Variants in LOC400499 observed in about 807,000 individuals in gnomAD.
the LOC400499 span, among the ~76,000 whole-genome samples, chr16:11,450,124 T>A: frequency 6.6e-6 from 1 of 152,160 alleles, no homozygotes. Flanking sequence ...CTTCCCCACA[T>A]CCACGCATCA....
At chr16:11,442,411 G>A in the LOC400499 span, 1 of 151,990 alleles carries the variant, frequency 6.6e-6, no homozygotes, top group Non-Finnish European at 1.5e-5. Flanking sequence ...TAGTAGAGAT[G>A]GGGGTTTCAC....
At chr16:11,483,091 G>A in the LOC400499 span, among the ~76,000 whole-genome samples, 27 of 152,140 alleles carry the variant, frequency 1.8e-4, no homozygotes, top group Non-Finnish European at 3.1e-4. Flanking sequence ...TTAGGGAAAT[G>A]CAAATTAAAG....
At chr16:11,466,511 C>A in the LOC400499 span, among the ~76,000 whole-genome samples, 1 of 152,120 alleles carries the variant, frequency 6.6e-6, no homozygotes, top group African/African-American at 2.4e-5. Flanking sequence ...GCCTCAGCCT[C>A]CCAAGTAGCT....
At chr16:11,497,126 G>A in the LOC400499 span, among the ~76,000 whole-genome samples, 3 of 152,180 alleles carry the variant, frequency 2.0e-5, no homozygotes, top group African/African-American at 7.2e-5. Context: ...CAGTGTACGT[G>A]CAGGTCTGTG....
the LOC400499 span, chr16:11,383,801 G>C: frequency 9.7e-6 from 12 of 1,232,232 alleles, no homozygotes; most frequent in Non-Finnish European, 1.2e-5. Context: ...CAGGGACACC[G>C]AGTCACTGTC....
the LOC400499 span, among the ~76,000 whole-genome samples, chr16:11,480,983 C>G: frequency 6.6e-6 from 1 of 152,182 alleles, no homozygotes; most frequent in Non-Finnish European, 1.5e-5. Flanking sequence ...GATAAACACA[C>G]GTGGTACATC....
the LOC400499 span, chr16:11,396,776 A>T: frequency 1.0e-6 from 1 of 960,530 alleles, no homozygotes; most frequent in Non-Finnish European, 1.3e-6. Context: ...GCCACCTCCC[A>T]GCCTCCACAC....
the LOC400499 span, chr16:11,508,762 G>A: frequency 2.5e-5 from 10 of 399,014 alleles, no homozygotes; most frequent in Non-Finnish European, 4.4e-5. Context: ...TACTAATGTG[G>A]CTGCGGTGGC....
chr16:11,387,769 G>A, the LOC400499 span, among the ~76,000 whole-genome samples: 12,197 of 151,966 alleles, frequency 0.08, 641 homozygotes, highest in Non-Finnish European at 0.12. Flanking sequence ...GACTACCAGC[G>A]CCCACCGCAA....
At chr16:11,499,661 C>G in the LOC400499 span, among the ~76,000 whole-genome samples, 2 of 152,228 alleles carry the variant, frequency 1.3e-5, no homozygotes, top group African/African-American at 4.8e-5. Context: ...TCCAGGGGCT[C>G]TCAGATCCTG....
At chr16:11,390,233 T>TC in the LOC400499 span, 1 of 1,232,520 alleles carries the variant, frequency 8.1e-7, no homozygotes, top group Non-Finnish European at 1.0e-6. Flanking sequence ...GAGAGCTGGC[T>TC]CAGTCATCCT....
At chr16:11,494,761 C>A in the LOC400499 span, 2 of 399,238 alleles carry the variant, frequency 5.0e-6, no homozygotes, top group Non-Finnish European at 8.8e-6. Flanking sequence ...GGAGCAGTGG[C>A]TGGGGACAGA....
At chr16:11,508,470 G>C in the LOC400499 span, among the ~76,000 whole-genome samples, 1 of 152,200 alleles carries the variant, frequency 6.6e-6, no homozygotes. Context: ...ACAGACAGAG[G>C]AGAAAAGGCT....
the LOC400499 span, among the ~76,000 whole-genome samples, chr16:11,458,240 G>T: frequency 5.9e-5 from 9 of 152,244 alleles, no homozygotes; most frequent in African/African-American, 2.2e-4. Flanking sequence ...CAGGTACTCA[G>T]GAGGCTGAGG....
At chr16:11,501,931 T>C in the LOC400499 span, 1 of 393,004 alleles carries the variant, frequency 2.5e-6, no homozygotes, top group African/African-American at 2.1e-5. Flanking sequence ...ATTCTCAGAC[T>C]GAAGGACAAG....
At chr16:11,464,025 G>A in the LOC400499 span, among the ~76,000 whole-genome samples, 1 of 152,214 alleles carries the variant, frequency 6.6e-6, no homozygotes, top group Non-Finnish European at 1.5e-5. Flanking sequence ...ATTTGGATGT[G>A]TGTGAATATG....
chr16:11,393,537 C>T, the LOC400499 span: 4,811 of 1,232,436 alleles, frequency 3.9e-3, 199 homozygotes, highest in African/African-American at 0.069. Flanking sequence ...TAGGCCAACC[C>T]GCTGAGCCTT....
chr16:11,391,539 C>A, the LOC400499 span: 33 of 769,012 alleles, frequency 4.3e-5, no homozygotes, highest in African/African-American at 2.5e-4. Context: ...GCTACAGGCC[C>A]ATGGGAAGCG....
At chr16:11,432,164 G>A in the LOC400499 span, among the ~76,000 whole-genome samples, 1 of 152,222 alleles carries the variant, frequency 6.6e-6, no homozygotes, top group Non-Finnish European at 1.5e-5. Flanking sequence ...CACACATCTG[G>A]CTGGGAACTG....
Sources: allele counts gnomAD v4.1 joint callset (sites outside exome capture counted in the v4.1 genomes callset), GRCh38; gene constraint gnomAD v4.1.1; transcripts MANE v1.5.